Variants in HDAC9 observed in about 807,000 individuals in gnomAD.
The protein encoded by HDAC9 is histone deacetylase 9.
HDAC9 carries 41 observed loss-of-function variants against 139.4 expected under a neutral mutation model. The ratio of observed to expected loss-of-function variants is 0.29; its 90% confidence interval spans 0.23 to 0.38. The LOEUF is 0.38. Ranked by LOEUF, HDAC9 falls within the 10% of genes least tolerant of loss-of-function variation. The pLI is 1.00. For synonymous variants in HDAC9, 517 were observed against 476.2 expected (o/e 1.09, Z -1.12); for missense variants, 1,147 against 1,297.0 (o/e 0.88, Z 1.78).
intron 1 of HDAC9, among the ~76,000 whole-genome samples, chr7:18,364,706 C>T (rs1274317960): frequency 6.6e-6 from 1 of 152,066 alleles, no homozygotes; most frequent in Non-Finnish European, 1.5e-5. Flanking sequence ...GGTCTACAAC[C>T]TAACATGCAG....
chr7:18,200,594 C>G lies in HDAC9; in HGVS notation c.25+38245C>G, dbSNP rs1791046708. On this transcript the variant is annotated intron_variant, in intron 2 of 12. Transcript: ENST00000417496. ...AACCCTAAAAGCCGTAATTCATCCG[C>G]AAGCTAATATGGGACTTTATTGGGG... Among the ~76,000 whole-genome samples the G allele has an allele frequency of 2.0e-5, 3 of 152,164 alleles. No individual in the cohort carries two copies. The South Asian group carries it at 6.2e-4, about 31-fold the overall frequency.
chr7:18,921,193 A>C (rs896319287), intron 22 of HDAC9, among the ~76,000 whole-genome samples: 1 of 152,172 alleles, frequency 6.6e-6, no homozygotes, highest in Non-Finnish European at 1.5e-5. Context: ...CATGTCTAAA[A>C]CACCAAAGCA....
rs986783443 is a variant in HDAC9 at position 18,845,104 on chromosome 7, G to C, written c.2684+9107G>C. ...TTAGAAGAACTGAAGTCTGCCAAAA[G>C]TTTGTTAATATATACTATTTAGTTT... On this transcript the variant is annotated intron_variant, in intron 21 of 25. Coordinates refer to ENST00000686413, the MANE Select transcript of HDAC9 (RefSeq NM_178425.4). Among the ~76,000 whole-genome samples, 3 of 152,128 alleles carry C rather than the reference G, an allele frequency of 2.0e-5. No individual in the cohort carries two copies. In the East Asian group the frequency reaches 5.8e-4, roughly 29 times the overall value.
At position 18,570,611 on chromosome 7, in the gene HDAC9, G is replaced by A. The variant is rs147375212; in HGVS notation, c.23-14670G>A. On this transcript the variant is annotated intron_variant, in intron 2 of 25. Coordinates refer to ENST00000686413, the MANE Select transcript of HDAC9 (RefSeq NM_178425.4). ...GAGATCATGGACTCTGGAGCTGGAC[G>A]GTGTGTGTTCTAATTCCTGTTGTAC... Among the ~76,000 whole-genome samples, 879 of 152,232 alleles carry A rather than the reference G, an allele frequency of 5.8e-3. 10 individuals carry two copies. Among genetic ancestry groups the A allele is most frequent in the African/African-American group, 0.017 (698 of 41,534 alleles).
intron 2 of HDAC9, among the ~76,000 whole-genome samples, chr7:18,207,235 G>A (rs1216940982): frequency 6.6e-6 from 1 of 151,928 alleles, no homozygotes; most frequent in East Asian, 1.9e-4. Context: ...CACTGCAACT[G>A]GCCCTGATTT....
intron 12 of HDAC9, among the ~76,000 whole-genome samples, chr7:18,724,205 T>C (rs1181435459): frequency 6.6e-6 from 1 of 152,172 alleles, no homozygotes; most frequent in Admixed American, 6.6e-5. Flanking sequence ...TCATCCCGAA[T>C]TTTTCCTGTA....
At chr7:18,858,302 C>T (rs909527616) in intron 21 of HDAC9, among the ~76,000 whole-genome samples, 6 of 152,164 alleles carry the variant, frequency 3.9e-5, no homozygotes, top group East Asian at 1.9e-4. Flanking sequence ...AATTGACTCA[C>T]GTGGCTGCAT....
intron 2 of HDAC9, among the ~76,000 whole-genome samples, chr7:18,553,175 G>T (rs1817687702): frequency 6.6e-6 from 1 of 152,056 alleles, no homozygotes; most frequent in Non-Finnish European, 1.5e-5. Flanking sequence ...AGGCTCCAGG[G>T]CTGAGGCTGC....
intron 2 of HDAC9, among the ~76,000 whole-genome samples, chr7:18,163,772 A>T (rs1452692388): frequency 6.6e-6 from 1 of 152,206 alleles, no homozygotes; most frequent in Non-Finnish European, 1.5e-5. Flanking sequence ...TATTATGTAT[A>T]TTTATTTGTA....
At chr7:18,328,730 G>A (rs903531275) in intron 1 of HDAC9, among the ~76,000 whole-genome samples, 5 of 151,804 alleles carry the variant, frequency 3.3e-5, no homozygotes, top group African/African-American at 1.2e-4. Flanking sequence ...TTGCATCTAT[G>A]TTCATCAGGA....
chr7:18,756,495 G>C (rs765612150), intron 14 of HDAC9, among the ~76,000 whole-genome samples: 7 of 152,190 alleles, frequency 4.6e-5, no homozygotes, highest in Non-Finnish European at 8.8e-5. Flanking sequence ...TTTCCTGTTT[G>C]GCCTCAACCT....
chr7:18,399,531 A>T (rs1453120116), intron 1 of HDAC9, among the ~76,000 whole-genome samples: 1 of 152,154 alleles, frequency 6.6e-6, no homozygotes, highest in Non-Finnish European at 1.5e-5. Flanking sequence ...TGTTTTGTCG[A>T]CAAGGGAATC....
At chr7:18,656,125 C>T (rs1791077771) in intron 11 of HDAC9, among the ~76,000 whole-genome samples, 1 of 148,708 alleles carries the variant, frequency 6.7e-6, no homozygotes, top group African/African-American at 2.5e-5. Context: ...TTCAGCTCTT[C>T]CTCTAACTAC....
At chr7:18,943,786 T>C (rs1420819460) in intron 23 of HDAC9, among the ~76,000 whole-genome samples, 1 of 152,140 alleles carries the variant, frequency 6.6e-6, no homozygotes, top group Non-Finnish European at 1.5e-5. Flanking sequence ...GTCTTCCTGT[T>C]ACTCTCATAA....
At chr7:18,578,774 G>A (rs1347060457) in intron 2 of HDAC9, among the ~76,000 whole-genome samples, 2 of 152,182 alleles carry the variant, frequency 1.3e-5, no homozygotes, top group Non-Finnish European at 2.9e-5. Context: ...AGCAAAGACT[G>A]CAATGTGCTA....
At chr7:18,139,121 CTT>C (rs552350047) in intron 1 of HDAC9, among the ~76,000 whole-genome samples, 2,125 of 105,804 alleles carry the variant, frequency 0.02, 24 homozygotes, top group African/African-American at 0.07. Flanking sequence ...ATAATCTGGA[CTT>C]TTTTTTTTTT....
At chr7:18,594,787 C>G (rs1832001660) in intron 6 of HDAC9, among the ~76,000 whole-genome samples, 1 of 151,950 alleles carries the variant, frequency 6.6e-6, no homozygotes, top group Non-Finnish European at 1.5e-5. Context: ...ACATTCTATT[C>G]TAAATCTCAA....
chr7:18,505,709 A>G (rs1799582982), intron 2 of HDAC9: 1 of 152,240 alleles, frequency 6.6e-6, no homozygotes, highest in Admixed American at 6.5e-5. Flanking sequence ...GCTTTCCAAC[A>G]GGTAATTTTT....
chr7:18,563,069 A>G (rs1032694491), intron 2 of HDAC9, among the ~76,000 whole-genome samples: 4 of 152,148 alleles, frequency 2.6e-5, no homozygotes, highest in African/African-American at 7.2e-5. Flanking sequence ...CCAAGATTTC[A>G]TAAATATATT....
Sources: gnomAD v4.1 joint callset for allele counts (sites outside exome capture counted in the v4.1 genomes callset) on GRCh38, gnomAD v4.1.1 for gene constraint, MANE v1.5 for transcripts, NCBI Gene and HGNC (gene_info 2026-07-23, HGNC 2026-07-21) for gene names.